The following SMARCD1 variants were observed in gnomAD, a reference collection of about 807,000 sequenced individuals.
SMARCD1 encodes the protein SWI/SNF related BAF chromatin remodeling complex subunit D1, also known as SWI/SNF-related matrix-associated actin-dependent regulator of chromatin subfamily D member 1.
SMARCD1 carries 16 observed loss-of-function variants against 70.8 expected under a neutral mutation model. The ratio of observed to expected loss-of-function variants is 0.23; its 90% CI spans 0.15 to 0.34. The LOEUF is 0.34. Ranked by LOEUF, SMARCD1 falls within the 10% of genes least tolerant of loss-of-function variation. SMARCD1 has a pLI of 1.00. For synonymous variants in SMARCD1, 249 were observed against 246.0 expected (o/e 1.01, Z -0.11); for missense variants, 409 against 655.5 (o/e 0.62, Z 4.11).
rs267603500 is a variant in SMARCD1, at chr12:50,090,528, C to T, written c.1071C>T (p.Ile357=). 6.2e-7 allele frequency: 1 copy of T among 1,614,124 alleles called. No homozygotes were observed. The highest frequency in any genetic ancestry group is 8.5e-7 in the Non-Finnish European group (1 of 1,179,988). ...FESQRMKFSE[I]PQRLHALLMP... Reference sequence around the variant, plus strand: ...CTCAACGTATGAAGTTTTCAGAGATCCCTCAGCGGCTCCATGCCTTGCTTA... The same window carrying T: ...CTCAACGTATGAAGTTTTCAGAGATTCCTCAGCGGCTCCATGCCTTGCTTA... Residue 357 remains isoleucine, a synonymous_variant, in exon 9 of 13, where the codon ATC becomes ATT. Coordinates refer to ENST00000394963, the MANE Select transcript of SMARCD1 (RefSeq NM_003076.5).
rs74090049 is a variant in SMARCD1 at position 50,085,715 on chromosome 12, C to T, written c.177+169C>T. On this transcript the variant is annotated intron_variant, in intron 1 of 12. Coordinates refer to ENST00000394963, the MANE Select transcript of SMARCD1 (RefSeq NM_003076.5). ...AGAAAGAGAGGGGGAGGCAGTTACA[C>T]ACCTGCTCCTAGGGGCATTGTTTCC... is the stretch of plus-strand genomic sequence containing the variant. 528 of 491,988 alleles carry T rather than the reference C, an allele frequency of 1.1e-3. 4 individuals carry two copies. The highest frequency in any genetic ancestry group is 9.3e-3 in the African/African-American group (469 of 50,310). The allele number at this position is 491,988 out of a possible 1,614,324, so 30.5% of individuals were successfully genotyped here.
chr12:50,088,422 T>G, intron 5 of SMARCD1, 99 bp from the exon 6 acceptor site: 1 of 723,322 alleles, frequency 1.4e-6, no homozygotes, highest in Non-Finnish European at 2.5e-6. Context: ...ATTTTTTGAG[T>G]TTTTTTCCAT....
intron 10 of SMARCD1, among the ~76,000 whole-genome samples, chr12:50,096,248 G>A (rs1467755257): frequency 2.0e-5 from 3 of 152,186 alleles, no homozygotes; most frequent in African/African-American, 7.2e-5. Flanking sequence ...CAGGTCTCTA[G>A]CTTGGGTGGA....
Position 50,090,540 on chromosome 12 carries a change from C to G in SMARCD1, c.1083C>G (p.Leu361=). 1 of 1,614,102 alleles carries G rather than the reference C, an allele frequency of 6.2e-7. No homozygotes were observed. Among genetic ancestry groups the G allele is most frequent in the Non-Finnish European group, 8.5e-7 (1 of 1,179,984 alleles). ...AGTTTTCAGAGATCCCTCAGCGGCT[C>G]CATGCCTTGCTTATGCCACCAGAAC... is the stretch of plus-strand genomic sequence containing the variant. ...RMKFSEIPQR[L]HALLMPPEPI... The change falls in exon 9 of 13, where the codon CTC becomes CTG. Residue 361 remains leucine, a synonymous_variant. Transcript: ENST00000394963.
At chr12:50,086,499 G>GGTGGTGGTGGTGGT in intron 2 of SMARCD1, 122 bp from the exon 3 acceptor site, 1 of 1,160,216 alleles carries the variant, frequency 8.6e-7, no homozygotes, top group Non-Finnish European at 1.3e-6. Context: ...TGGTGGTGGT[G>GGTGGTGGTGGTGGT]GTAGTTCTTT....
chr12:50,085,399 G>T lies in SMARCD1; in HGVS notation c.30G>T (p.Val10=). The change falls in exon 1 of 13, where the codon GTG becomes GTT. Residue 10 remains valine, a synonymous_variant. Transcript: ENST00000394963. ...CGGCCCGGGCGGGTTTCCAGTCTGTGGCTCCAAGCGGCGGCGCCGGAGCCT... is the reference window on the plus strand; with the variant it reads ...CGGCCCGGGCGGGTTTCCAGTCTGTTGCTCCAAGCGGCGGCGCCGGAGCCT... MAARAGFQS[V]APSGGAGASG... 1 of 1,258,966 alleles carries T rather than the reference G, an allele frequency of 7.9e-7. No individual in the cohort carries two copies. The highest frequency in any genetic ancestry group is 3.0e-5 in the East Asian group (1 of 32,926). The allele number at this position is 1,258,966 out of a possible 1,614,324, so 78.0% of individuals were successfully genotyped here.
intron 5 of SMARCD1, chr12:50,088,230 C>T (rs981277274): frequency 8.6e-6 from 6 of 701,384 alleles, no homozygotes; most frequent in African/African-American, 3.5e-5. Flanking sequence ...TGTTCAAACT[C>T]GCTTAGTTAT....
Position 50,086,827 on chromosome 12 carries a change from T to C in SMARCD1, c.480T>C (p.Thr160=), listed in dbSNP as rs765201903. 1.2e-5 allele frequency: 20 copies of C among 1,613,984 alleles called. No individual in the cohort carries two copies. In the East Asian group the frequency reaches 2.7e-4, roughly 22 times the overall value. The change falls in exon 4 of 13, where the codon ACT becomes ACC. Residue 160 remains threonine (T), a synonymous_variant. Coordinates refer to ENST00000394963, the MANE Select transcript of SMARCD1 (RefSeq NM_003076.5). The stretch of plus-strand genomic sequence containing the variant: ...CTTTTGAAAGGAAACTGGACCAGAC[T>C]ATCATGAGGAAACGGCTAGATATCC... The part of the protein sequence containing the change: ...LLAFERKLDQ[T]IMRKRLDIQE...
intron 9 of SMARCD1, among the ~76,000 whole-genome samples, chr12:50,092,000 G>A (rs1950847987): frequency 6.6e-6 from 1 of 152,142 alleles, no homozygotes; most frequent in South Asian, 2.1e-4. Context: ...GAAGGGCTCA[G>A]CAGCCATCTT....
In SMARCD1 at chr12:50,099,601, G is replaced by A; in HGVS notation, c.*601G>A. ...AGCCCTCTGGGTTGGCCTGCTGTCA[G>A]TGCTTCTCTCACTCCTTAGTTGGGG... On this transcript the variant is annotated 3_prime_UTR_variant, in exon 13 of 13. Transcript: ENST00000394963. 1 of 346,996 alleles carries A rather than the reference G, an allele frequency of 2.9e-6. No homozygotes were observed. The highest frequency in any genetic ancestry group is 5.2e-6 in the Non-Finnish European group (1 of 193,194). The allele number at this position is 346,996 out of a possible 1,614,324, so 21.5% of individuals were successfully genotyped here. A position where few individuals can be genotyped will look rare whatever the true frequency, so the allele number is the denominator to read the frequency against.
In SMARCD1 at chr12:50,085,525, G is replaced by A. The variant is rs1271816556; in HGVS notation, c.156G>A (p.Pro52=). 2.4e-6 allele frequency: 3 copies of A among 1,235,394 alleles called. No individual in the cohort carries two copies. Among genetic ancestry groups the A allele is most frequent in the African/African-American group, 1.6e-5 (1 of 64,356 alleles). 76.5% of individuals were successfully genotyped at this position (1,235,394 alleles called of 1,614,324 possible). The change falls in exon 1 of 13, where the codon CCG becomes CCA. Residue 52 remains proline, a synonymous_variant. Transcript: ENST00000394963. ...CGGGTCAAGGGCTGTACCGCTCCCC[G>A]ATGCCCGGAGCGGCCTATCCGGTGA... is the stretch of plus-strand genomic sequence containing the variant. ...PAPGQGLYRS[P]MPGAAYPRPG... is the part of the protein sequence containing the mutation.
intron 11 of SMARCD1, 21 bp from the exon 12 acceptor site, chr12:50,098,693 C>G: frequency 6.3e-7 from 1 of 1,582,030 alleles, no homozygotes; most frequent in Non-Finnish European, 8.7e-7. Flanking sequence ...TTCCTCCACC[C>G]TGCATCTCCA....
At position 50,099,439 on chromosome 12, in the gene SMARCD1, C is replaced by T. The variant is rs1245950796; in HGVS notation, c.*439C>T. Reference sequence around the variant, plus strand: ...GTGGGCACTCTATAAGCTAGTTGATCTTGGCTCTCCTGATAACAGAATCCA... The same window carrying T: ...GTGGGCACTCTATAAGCTAGTTGATTTTGGCTCTCCTGATAACAGAATCCA... On this transcript the variant is annotated 3_prime_UTR_variant, in exon 13 of 13. Coordinates refer to ENST00000394963, the MANE Select transcript of SMARCD1 (RefSeq NM_003076.5). The T allele has an allele frequency of 7.3e-6, 3 of 411,572 alleles. No homozygotes were observed. The highest frequency in any genetic ancestry group is 1.3e-5 in the Non-Finnish European group (3 of 233,468). 25.5% of individuals were successfully genotyped at this position (411,572 alleles called of 1,614,324 possible).
chr12:50,089,853 A>G, intron 6 of SMARCD1, 31 bp from the exon 7 acceptor site: 3 of 1,302,714 alleles, frequency 2.3e-6, no homozygotes, highest in Non-Finnish European at 3.3e-6. Context: ...TTCCTCTGGG[A>G]GAGCACCCCC....
rs1312241891 is a variant in SMARCD1 at position 50,085,611 on chromosome 12, CAG to C, written c.177+66_177+67del. 1.5e-5 allele frequency: 15 copies of C among 1,001,746 alleles called. No individual in the cohort carries two copies. The East Asian group carries it at 4.7e-4, about 31-fold the overall frequency. 62.1% of individuals were successfully genotyped at this position (1,001,746 alleles called of 1,614,324 possible). A position where few individuals can be genotyped will look rare whatever the true frequency, so the allele number is the denominator to read the frequency against. ...GGGCCGAGCGGGGACATGGGAGTGA[CAG>C]GGGTGGGGGGAGAAGTAGGAGGGAC... On this transcript the variant is annotated intron_variant, in intron 1 of 12. Transcript: ENST00000394963.
chr12:50,094,348 T>C, intron 9 of SMARCD1, 89 bp from the exon 10 acceptor site: 1 of 1,347,644 alleles, frequency 7.4e-7, no homozygotes, highest in South Asian at 1.4e-5. Flanking sequence ...TAGCCCCTTT[T>C]CTCTTCATCC....
At chr12:50,094,166 C>G (rs1299789920) in intron 9 of SMARCD1, among the ~76,000 whole-genome samples, 1 of 152,100 alleles carries the variant, frequency 6.6e-6, no homozygotes, top group Non-Finnish European at 1.5e-5. Context: ...GAATTTTTAC[C>G]ATTGACTTTT....
At chr12:50,098,598 T>G in intron 11 of SMARCD1, 116 bp from the exon 12 acceptor site, 1 of 737,326 alleles carries the variant, frequency 1.4e-6, no homozygotes, top group South Asian at 1.7e-5. Context: ...TACTAGGGGT[T>G]GGTTAGACTT....
rs1950874687 is a variant in SMARCD1 at position 50,094,542 on chromosome 12, C to T, written c.1239C>T (p.Ser413=). Residue 413 remains serine (S), a synonymous_variant, in exon 10 of 13, where the codon AGC becomes AGT. Transcript: ENST00000394963. ...QMNSFLLSTA[S]QQEIATLDNK... is the part of the protein sequence containing the mutation. ...ATTCTTTTCTGCTGTCCACTGCCAG[C>T]CAACAGGAGATTGCTACTCTAGACA... 2 of 1,613,970 alleles carry T rather than the reference C, an allele frequency of 1.2e-6. No individual in the cohort carries two copies. Among genetic ancestry groups the T allele is most frequent in the East Asian group, 2.2e-5 (1 of 44,898 alleles).
Sources: allele counts gnomAD v4.1 joint callset (sites outside exome capture counted in the v4.1 genomes callset), GRCh38; gene constraint gnomAD v4.1.1; transcripts MANE v1.5; gene names NCBI Gene and HGNC (gene_info 2026-07-23, HGNC 2026-07-21).